The following MGMT variants were observed in gnomAD, a reference collection of about 807,000 sequenced individuals.
MGMT encodes O-6-methylguanine-DNA methyltransferase, also known as methylated-DNA--protein-cysteine methyltransferase.
In MGMT, 14 loss-of-function variants were observed where a neutral mutation model predicts 15.9. The observed-to-expected ratio is 0.88, with a 90% CI of 0.58 to 1.37. MGMT has a LOEUF of 1.37. Among genes scored for constraint, MGMT ranks in the 40% most tolerant of loss-of-function variants. The probability of loss-of-function intolerance (pLI) is 0.00; values close to 1 mark genes in which losing one functional copy is unlikely to be tolerated. For synonymous variants in MGMT, 130 were observed against 118.2 expected (o/e 1.10, Z -0.65); for missense variants, 282 against 268.1 (o/e 1.05, Z -0.36).
chr10:129,742,052 T>A (rs1848640308), intron 3 of MGMT, among the ~76,000 whole-genome samples: 1 of 152,128 alleles, frequency 6.6e-6, no homozygotes, highest in African/African-American at 2.4e-5. Flanking sequence ...GAAGTAGAAA[T>A]TGGCTCCCAA....
intron 2 of MGMT, among the ~76,000 whole-genome samples, chr10:129,688,049 A>G (rs1847929038): frequency 6.6e-6 from 1 of 152,226 alleles, no homozygotes; most frequent in African/African-American, 2.4e-5. Context: ...ATGGCTGCAT[A>G]GTATTCCATG....
chr10:129,609,840 G>A (rs928218053), intron 2 of MGMT, among the ~76,000 whole-genome samples: 2 of 152,154 alleles, frequency 1.3e-5, no homozygotes, highest in East Asian at 1.9e-4. Context: ...ACACCACCAC[G>A]GGAGGCAGGC....
At chr10:129,760,257 G>T (rs1280614309) in intron 4 of MGMT, among the ~76,000 whole-genome samples, 1 of 152,244 alleles carries the variant, frequency 6.6e-6, no homozygotes, top group Admixed American at 6.5e-5. Flanking sequence ...GCCTGTGTGT[G>T]TGGGGGCAGA....
intron 3 of MGMT, among the ~76,000 whole-genome samples, chr10:129,737,748 C>T (rs1444477015): frequency 6.6e-6 from 1 of 152,310 alleles, no homozygotes; most frequent in African/African-American, 2.4e-5. Context: ...GATGTCCTTT[C>T]TGTTTGTTAG....
chr10:129,594,454 C>T (rs1190366532), intron 2 of MGMT, among the ~76,000 whole-genome samples: 1 of 152,194 alleles, frequency 6.6e-6, no homozygotes, highest in East Asian at 1.9e-4. Context: ...ACACTGTGTT[C>T]TTTGAAACCT....
Position 129,759,278 on chromosome 10 carries a change from A to T in MGMT, c.351A>T (p.Leu117Phe). Residue 117 changes from leucine (L) to phenylalanine (F), a missense_variant, in exon 4 of 5, where the codon TTA becomes TTT. Transcript: ENST00000651593. ...KFGEVISYQQLAALAGNPKAA... is the reference protein window; with the variant it reads ...KFGEVISYQQFAALAGNPKAA... Reference sequence around the variant, plus strand: ...GAGAAGTGATTTCTTACCAGCAATTAGCAGCCCTGGCAGGCAACCCCAAAG... The same window carrying T: ...GAGAAGTGATTTCTTACCAGCAATTTGCAGCCCTGGCAGGCAACCCCAAAG... The T allele has an allele frequency of 1.2e-6, 2 of 1,614,232 alleles. No individual in the cohort carries two copies. Among genetic ancestry groups the T allele is most frequent in the Non-Finnish European group, 1.7e-6 (2 of 1,180,048 alleles).
At chr10:129,636,647 C>T (rs963589834) in intron 2 of MGMT, among the ~76,000 whole-genome samples, 1 of 152,174 alleles carries the variant, frequency 6.6e-6, no homozygotes, top group African/African-American at 2.4e-5. Context: ...CTGTTGATTT[C>T]CTGTGAACTC....
At chr10:129,564,172 C>CTTCCTCCTCCCCCTCCCTTCTTCTTCCA (rs1179572990) in intron 2 of MGMT, 1 of 132,670 alleles carries the variant, frequency 7.5e-6, no homozygotes, top group Non-Finnish European at 1.6e-5. Context: ...TCCCCCTCCC[C>CTTCCTCCTCCCCCTCCCTTCTTCTTCCA]CTCCCTTCTT....
chr10:129,645,629 G>A (rs1036127311), intron 2 of MGMT, among the ~76,000 whole-genome samples: 3 of 152,216 alleles, frequency 2.0e-5, no homozygotes, highest in Admixed American at 6.5e-5. Context: ...ATGGAAAGCC[G>A]GTGGATTTGT....
intron 2 of MGMT, among the ~76,000 whole-genome samples, chr10:129,552,391 G>A (rs145689743): frequency 3.9e-5 from 6 of 152,356 alleles, no homozygotes; most frequent in East Asian, 1.9e-4. Flanking sequence ...GTGTGCCCCC[G>A]GGCCTGGGCC....
intron 3 of MGMT, among the ~76,000 whole-genome samples, chr10:129,721,074 T>A (rs1038052347): frequency 1.3e-5 from 2 of 152,180 alleles, no homozygotes; most frequent in African/African-American, 4.8e-5. Flanking sequence ...GTTGATAGTT[T>A]CGTTATTATG....
chr10:129,599,508 G>A (rs905219158), intron 2 of MGMT, among the ~76,000 whole-genome samples: 2 of 152,222 alleles, frequency 1.3e-5, no homozygotes, highest in African/African-American at 4.8e-5. Flanking sequence ...CTTCGAGGCA[G>A]TGGTTTCAGA....
chr10:129,572,814 A>G (rs1846435524), intron 2 of MGMT, among the ~76,000 whole-genome samples: 1 of 152,172 alleles, frequency 6.6e-6, no homozygotes, highest in Admixed American at 6.5e-5. Context: ...GTGACTGCCT[A>G]TTCCTTTATT....
intron 2 of MGMT, among the ~76,000 whole-genome samples, chr10:129,591,029 AACGC>A (rs1846678126): frequency 6.6e-6 from 1 of 152,166 alleles, no homozygotes; most frequent in African/African-American, 2.4e-5. Flanking sequence ...GAGTTGGCCA[AACGC>A]AGTGTGTTTT....
intron 1 of MGMT, among the ~76,000 whole-genome samples, chr10:129,480,353 C>T (rs537066874): frequency 6.6e-6 from 1 of 152,274 alleles, no homozygotes; most frequent in South Asian, 2.1e-4. Context: ...CTCTCTATGA[C>T]GTTAAAATCC....
At chr10:129,491,610 T>G (rs369998469) in intron 1 of MGMT, among the ~76,000 whole-genome samples, 14 of 152,244 alleles carry the variant, frequency 9.2e-5, no homozygotes, top group Admixed American at 6.5e-4. Context: ...CGGATCTCTA[T>G]TCTTGTTTTC....
intron 2 of MGMT, among the ~76,000 whole-genome samples, chr10:129,606,657 A>G (rs1212805070): frequency 6.6e-6 from 1 of 152,254 alleles, no homozygotes; most frequent in Non-Finnish European, 1.5e-5. Context: ...AATATTGTGG[A>G]GCCCCGGTAA....
chr10:129,669,568 G>T (rs1261316406), intron 2 of MGMT, among the ~76,000 whole-genome samples: 1 of 150,638 alleles, frequency 6.6e-6, no homozygotes, highest in Non-Finnish European at 1.5e-5. Flanking sequence ...TTTCAGCATG[G>T]CATTACACTG....
chr10:129,559,356 A>G (rs1846251671), intron 2 of MGMT, among the ~76,000 whole-genome samples: 1 of 152,180 alleles, frequency 6.6e-6, no homozygotes, highest in Non-Finnish European at 1.5e-5. Context: ...CTTTAAAGCT[A>G]AAACTAGTTT....
Sources: gnomAD v4.1 joint callset for allele counts (sites outside exome capture counted in the v4.1 genomes callset) on GRCh38, gnomAD v4.1.1 for gene constraint, MANE v1.5 for transcripts, NCBI Gene and HGNC (gene_info 2026-07-23, HGNC 2026-07-21) for gene names.